The following CDK18 variants were observed in gnomAD, a reference collection of about 807,000 sequenced individuals.
The protein encoded by CDK18 is cyclin-dependent kinase 18.
A neutral mutation model predicts 62.0 loss-of-function variants in CDK18; 52 were observed. The ratio of observed to expected loss-of-function variants is 0.84; its 90% CI spans 0.67 to 1.06. The LOEUF (loss-of-function observed/expected upper bound fraction) is 1.06. Among genes scored for constraint, CDK18 ranks in the 50% least tolerant of loss-of-function variants. CDK18 has a pLI of 0.00. For synonymous variants in CDK18, 237 were observed against 247.0 expected, an observed-to-expected ratio of 0.96 and a Z score of 0.38; for missense variants, 604 against 619.9, an observed-to-expected ratio of 0.97 and a Z score of 0.27.
intron 15 of CDK18, 52 bp from the exon 16 acceptor site, chr1:205,531,292 A>T: frequency 6.4e-7 from 1 of 1,564,090 alleles, no homozygotes; most frequent in South Asian, 1.1e-5. Flanking sequence ...GACCTGGGGT[A>T]CCCGTCAGCC....
intron 7 of CDK18, 51 bp downstream of exon 7, chr1:205,526,512 G>A: frequency 7.0e-7 from 1 of 1,420,608 alleles, no homozygotes; most frequent in African/African-American, 1.4e-5. Flanking sequence ...GTGGAAACGG[G>A]GTGTGGGTAG....
intron 6 of CDK18, 39 bp from the exon 7 acceptor site, chr1:205,526,328 T>C: frequency 2.0e-6 from 3 of 1,527,424 alleles, no homozygotes; most frequent in Non-Finnish European, 2.7e-6. Flanking sequence ...TGGGGACACA[T>C]GGGGTCCTAG....
intron 1 of CDK18, 176 bp from the exon 2 acceptor site, chr1:205,522,971 G>A (rs1668211808): frequency 4.8e-6 from 3 of 619,256 alleles, no homozygotes; most frequent in Admixed American, 6.2e-5. Context: ...GGGAAGAAGA[G>A]GGTGAACACC....
intron 7 of CDK18, 94 bp from the exon 8 acceptor site, chr1:205,526,681 C>A: frequency 7.8e-7 from 1 of 1,283,268 alleles, no homozygotes; most frequent in Non-Finnish European, 1.1e-6. Flanking sequence ...GGCGTGGGCC[C>A]TTCCCAGGGA....
At position 205,527,993 on chromosome 1, in the gene CDK18, G is replaced by A. The variant is rs1668529349; in HGVS notation, c.854-55G>A. ...TGTGGGTGCAGTGGGGGAGGGCATA[G>A]CAGTCAACCCCACAGCACCTGTGGA... On this transcript the variant is annotated intron_variant, in intron 9 of 15. Coordinates refer to ENST00000429964, the MANE Select transcript of CDK18 (RefSeq NM_212502.3). This position sits in a 1 kb window ranked among gnomAD's most constrained non-coding sequence, Gnocchi z 4.1. 1.1e-5 allele frequency: 17 copies of A among 1,613,224 alleles called. No individual in the cohort carries two copies. In the South Asian group the frequency reaches 1.6e-4, roughly 16 times the overall value.
At chr1:205,525,907 T>G (rs566419390) in intron 5 of CDK18, among the ~76,000 whole-genome samples, 158 bp from the exon 6 acceptor site, 1 of 152,256 alleles carries the variant, frequency 6.6e-6, no homozygotes, top group East Asian at 1.9e-4. Context: ...GGATGCTTCC[T>G]GGAGGAAGTA....
At chr1:205,510,511 G>A (rs1401037375) in intron 1 of CDK18, among the ~76,000 whole-genome samples, 1 of 152,232 alleles carries the variant, frequency 6.6e-6, no homozygotes, top group African/African-American at 2.4e-5. Context: ...ATCCCCTGCC[G>A]TGGCTGGGCT....
In CDK18 at chr1:205,532,307, C is replaced by A. The variant is rs1184164148; in HGVS notation, c.*929C>A. ...CCTGGTCAGGGTCCTGGGGACGGCACCCAGATATGCAGAGTCACCCTGACA... is the reference window on the plus strand; with the variant it reads ...CCTGGTCAGGGTCCTGGGGACGGCAACCAGATATGCAGAGTCACCCTGACA... On this transcript the variant is annotated 3_prime_UTR_variant, in exon 16 of 16. Transcript: ENST00000429964. The A allele has an allele frequency of 6.6e-6, 1 of 152,646 alleles. No individual in the cohort carries two copies. The highest frequency in any genetic ancestry group is 6.5e-5 in the Admixed American group (1 of 15,286). 9.5% of individuals were successfully genotyped at this position (152,646 alleles called of 1,614,324 possible).
At chr1:205,506,705 G>A (rs1220168963) in intron 1 of CDK18, among the ~76,000 whole-genome samples, 3 of 152,194 alleles carry the variant, frequency 2.0e-5, no homozygotes, top group Non-Finnish European at 2.9e-5. Context: ...GCCCCATTGT[G>A]GGGAGGTTCC....
rs1575055365 is a variant in CDK18, at chr1:205,516,833, T to A, written c.-21-6314T>A. 6.6e-6 allele frequency: 1 copy of A among 152,350 alleles called. No individual in the cohort carries two copies. The highest frequency in any genetic ancestry group is 1.5e-5 in the Non-Finnish European group (1 of 68,074). The allele number at this position is 152,350 out of a possible 1,614,324, so 9.4% of individuals were successfully genotyped here. A position where few individuals can be genotyped will look rare whatever the true frequency, so the allele number is the denominator to read the frequency against. On this transcript the variant is annotated intron_variant, in intron 1 of 15. Transcript: ENST00000429964. This position sits in a 1 kb window ranked among gnomAD's most constrained non-coding sequence, Gnocchi z 4.8. ...TGCAGGCTGGGGAATCGGGGCTTTG[T>A]TCAAGAGGAAGGCAAAGAGGCTTCT...
intron 1 of CDK18, among the ~76,000 whole-genome samples, chr1:205,505,532 C>T (rs1457685422): frequency 1.3e-5 from 2 of 152,048 alleles, no homozygotes; most frequent in African/African-American, 4.8e-5. Context: ...CTGGGTGGGG[C>T]CGGGGGGAGT....
intron 1 of CDK18, among the ~76,000 whole-genome samples, chr1:205,520,329 C>A (rs1228548084): frequency 1.3e-5 from 2 of 152,200 alleles, no homozygotes; most frequent in African/African-American, 4.8e-5. Context: ...AACCTCAGTT[C>A]CAGAATCTCA....
In CDK18 at chr1:205,526,052, C is replaced by A; in HGVS notation, c.457-13C>A. 1 of 1,599,388 alleles carries A rather than the reference C, an allele frequency of 6.3e-7. No homozygotes were observed. Among genetic ancestry groups the A allele is most frequent in the Non-Finnish European group, 8.5e-7 (1 of 1,170,072 alleles). ...CTGAATGCGCCTGGGGCCGCTGTGG[C>A]CCTCCATCCCAGGGCACCTATGCCA... On this transcript the variant is annotated splice_polypyrimidine_tract_variant and intron_variant, in intron 5 of 15. Coordinates refer to ENST00000429964, the MANE Select transcript of CDK18 (RefSeq NM_212502.3).
At chr1:205,512,625 T>C (rs1230026192) in intron 1 of CDK18, among the ~76,000 whole-genome samples, 4 of 152,044 alleles carry the variant, frequency 2.6e-5, no homozygotes, top group Non-Finnish European at 5.9e-5. Context: ...GCAATCCAAG[T>C]GACCAGAAGC....
chr1:205,518,629 C>T (rs1363936708), intron 1 of CDK18, among the ~76,000 whole-genome samples: 2 of 152,206 alleles, frequency 1.3e-5, no homozygotes, highest in Non-Finnish European at 2.9e-5. Flanking sequence ...TGATTCTGGG[C>T]AAGCCATTTC....
chr1:205,519,427 C>G (rs1462115282), intron 1 of CDK18, among the ~76,000 whole-genome samples: 1 of 152,122 alleles, frequency 6.6e-6, no homozygotes. Flanking sequence ...TCCCCTGTCA[C>G]CATCAGGAAG....
intron 1 of CDK18, among the ~76,000 whole-genome samples, chr1:205,508,771 G>A (rs888509088): frequency 5.3e-5 from 8 of 151,950 alleles, no homozygotes; most frequent in Non-Finnish European, 1.0e-4. Context: ...TTGAGCCTAG[G>A]AGGTTGAGGC....
chr1:205,524,307 A>G lies in CDK18; in HGVS notation c.349A>G (p.Ser117Gly), dbSNP rs541734191. The change falls in exon 4 of 16, where the codon AGC becomes GGC. Residue 117 changes from serine to glycine, a missense_variant. Physicochemically the swap from Ser to Gly is moderately conservative, Grantham distance 56. Coordinates refer to ENST00000429964, the MANE Select transcript of CDK18 (RefSeq NM_212502.3). ...QEFLQKLQME[S>G]PDLPKPLSRM... ...ATTCCTACAGAAGCTACAGATGGAG[A>G]GCCCAGATCTGCCCAAGCCGCTCAG... The G allele has an allele frequency of 2.5e-6, 4 of 1,614,114 alleles. No homozygotes were observed. In the African/African-American group the frequency reaches 5.3e-5, roughly 22 times the overall value.
intron 5 of CDK18, 76 bp from the exon 6 acceptor site, chr1:205,525,989 G>A (rs1236242761): frequency 9.8e-7 from 1 of 1,019,786 alleles, no homozygotes. Flanking sequence ...CCAGGCAGAG[G>A]CACAAATGGG....
Sources: allele counts gnomAD v4.1 joint callset (sites outside exome capture counted in the v4.1 genomes callset), GRCh38; gene constraint gnomAD v4.1.1; non-coding constraint Gnocchi (gnomAD v3.1); transcripts MANE v1.5; gene names NCBI Gene and HGNC (gene_info 2026-07-23, HGNC 2026-07-21).